NHERF1: variants seen among roughly 807,000 people sequenced by gnomAD.
The protein encoded by NHERF1 is NHERF family PDZ scaffold protein 1.
the NHERF1 span, among the ~76,000 whole-genome samples, chr17:74,750,782 C>T: frequency 6.7e-6 from 1 of 148,304 alleles, no homozygotes; most frequent in Non-Finnish European, 1.5e-5. Context: ...CCCCCACCCC[C>T]CACAAGTTGC....
At chr17:74,768,928 G>T in the NHERF1 span, 651 of 489,606 alleles carry the variant, frequency 1.3e-3, 5 homozygotes, top group African/African-American at 0.01. Flanking sequence ...CCCTGCCTGG[G>T]ACATCGCTGG....
At chr17:74,757,924 C>T in the NHERF1 span, among the ~76,000 whole-genome samples, 2 of 152,212 alleles carry the variant, frequency 1.3e-5, no homozygotes, top group Non-Finnish European at 2.9e-5. Flanking sequence ...TCTGTTGTTC[C>T]CCTGGACACC....
At chr17:74,757,349 T>A in the NHERF1 span, among the ~76,000 whole-genome samples, 2 of 151,992 alleles carry the variant, frequency 1.3e-5, no homozygotes, top group Non-Finnish European at 2.9e-5. Flanking sequence ...TGACTTTTTT[T>A]AAAATGGACA....
chr17:74,768,526 C>T, the NHERF1 span: 3 of 1,614,194 alleles, frequency 1.9e-6, no homozygotes, highest in Non-Finnish European at 2.5e-6. Flanking sequence ...TCTACCTCCT[C>T]CTCCGACCCC....
At chr17:74,762,080 CGACAAG>C in the NHERF1 span, 1 of 1,613,974 alleles carries the variant, frequency 6.2e-7, no homozygotes, top group Non-Finnish European at 8.5e-7. The surrounding 1 kb of genome is among the most constrained non-coding windows in gnomAD (Gnocchi z 4.2). Context: ...ACCTGCACAG[CGACAAG>C]TCCAAGCCAG....
the NHERF1 span, among the ~76,000 whole-genome samples, chr17:74,759,110 GGAAGGAGGCTCTGCA>G: frequency 5.9e-5 from 9 of 152,316 alleles, no homozygotes; most frequent in East Asian, 1.7e-3. Context: ...TAGGGACTTG[GGAAGGAGGCTCTGCA>G]GGTGCATCGG....
the NHERF1 span, chr17:74,749,383 G>GTCTT: frequency 1.6e-6 from 2 of 1,235,094 alleles, no homozygotes; most frequent in East Asian, 5.5e-5. This position sits in a 1 kb window ranked among gnomAD's most constrained non-coding sequence, Gnocchi z 5.6. Context: ...GCCCGCCGTC[G>GTCTT]TTTTTCTGAA....
At chr17:74,748,655 T>G in the NHERF1 span, 1 of 570,758 alleles carries the variant, frequency 1.8e-6, no homozygotes. This position sits in a 1 kb window ranked among gnomAD's most constrained non-coding sequence, Gnocchi z 4.3. Flanking sequence ...GGGATTGGTC[T>G]GTGGTCCTCT....
chr17:74,767,109 T>A, the NHERF1 span: 11 of 803,476 alleles, frequency 1.4e-5, no homozygotes, highest in Middle Eastern at 2.6e-4. Context: ...CAGCTCCTTC[T>A]TCAGCTCCAA....
the NHERF1 span, chr17:74,767,040 G>T: frequency 4.0e-6 from 6 of 1,506,664 alleles, no homozygotes; most frequent in South Asian, 6.7e-5. Flanking sequence ...AGATCAGAAG[G>T]TGCTGTGGTT....
chr17:74,754,371 A>ATTTCTTTC, the NHERF1 span, among the ~76,000 whole-genome samples: 10 of 128,022 alleles, frequency 7.8e-5, no homozygotes, highest in East Asian at 1.6e-3. Context: ...GTTGACATGC[A>ATTTCTTTC]TTTCTTTCTT....
At chr17:74,766,685 G>A in the NHERF1 span, among the ~76,000 whole-genome samples, 143 of 152,242 alleles carry the variant, frequency 9.4e-4, 1 homozygote, top group Middle Eastern at 3.4e-3. Flanking sequence ...GGAGGCCAAG[G>A]TGGAAGGATT....
the NHERF1 span, among the ~76,000 whole-genome samples, chr17:74,762,670 G>A: frequency 1.3e-5 from 2 of 151,982 alleles, no homozygotes; most frequent in African/African-American, 2.4e-5. This position sits in a 1 kb window ranked among gnomAD's most constrained non-coding sequence, Gnocchi z 4.2. Flanking sequence ...CGATTCTCCT[G>A]CCTCAGCCTC....
the NHERF1 span, among the ~76,000 whole-genome samples, chr17:74,766,238 C>T: frequency 6.6e-6 from 1 of 152,056 alleles, no homozygotes; most frequent in African/African-American, 2.4e-5. Flanking sequence ...GCTGTGTTGC[C>T]CAGGCTGGAG....
At chr17:74,749,002 G>C in the NHERF1 span, 12 of 1,609,450 alleles carry the variant, frequency 7.5e-6, no homozygotes, top group Non-Finnish European at 1.0e-5. This position sits in a 1 kb window ranked among gnomAD's most constrained non-coding sequence, Gnocchi z 5.6. Flanking sequence ...AGAAGGCGGG[G>C]CTGCTGGCGG....
chr17:74,758,932 C>T, the NHERF1 span, among the ~76,000 whole-genome samples: 1 of 152,220 alleles, frequency 6.6e-6, no homozygotes, highest in South Asian at 2.1e-4. This position sits in a 1 kb window ranked among gnomAD's most constrained non-coding sequence, Gnocchi z 4.3. Flanking sequence ...CCAGCCCCAG[C>T]CTCCACCCAG....
the NHERF1 span, among the ~76,000 whole-genome samples, chr17:74,760,521 G>C: frequency 1.3e-5 from 2 of 151,472 alleles, no homozygotes; most frequent in Admixed American, 6.6e-5. This position sits in a 1 kb window ranked among gnomAD's most constrained non-coding sequence, Gnocchi z 4.5. Flanking sequence ...TGAGTCTCCT[G>C]CAGATGGTGG....
At chr17:74,749,134 C>A in the NHERF1 span, 1 of 1,564,930 alleles carries the variant, frequency 6.4e-7, no homozygotes, top group African/African-American at 1.3e-5. This position sits in a 1 kb window ranked among gnomAD's most constrained non-coding sequence, Gnocchi z 5.6. Flanking sequence ...CCGAGACGGA[C>A]GAGCAGCTGC....
At chr17:74,758,891 C>T in the NHERF1 span, among the ~76,000 whole-genome samples, 1 of 152,170 alleles carries the variant, frequency 6.6e-6, no homozygotes, top group Admixed American at 6.5e-5. This position sits in a 1 kb window ranked among gnomAD's most constrained non-coding sequence, Gnocchi z 4.3. Context: ...CCCACAGATC[C>T]CCAGGGGGGC....
Sources: gnomAD v4.1 joint callset for allele counts (sites outside exome capture counted in the v4.1 genomes callset) on GRCh38, gnomAD v4.1.1 for gene constraint, Gnocchi (gnomAD v3.1) non-coding constraint, MANE v1.5 for transcripts, NCBI Gene and HGNC (gene_info 2026-07-23, HGNC 2026-07-21) for gene names.